Variants in ASTN2 observed in about 807,000 individuals in gnomAD.
ASTN2 encodes astrotactin 2, also known as astrotactin-2.
ASTN2 carries 54 observed loss-of-function variants against 139.8 expected under a neutral mutation model. That is an observed-to-expected ratio of 0.39 (90% CI 0.31 to 0.48). The LOEUF (loss-of-function observed/expected upper bound fraction) is 0.48, where lower values mean the gene tolerates loss of function less well. ASTN2 is among the 20% of genes least tolerant of loss of function. The pLI is 0.95. For missense variants in ASTN2, 1,565 were observed against 1,725.1 expected (o/e 0.91, Z 1.64); for synonymous variants, 756 against 719.5 (o/e 1.05, Z -0.81).
At chr9:116,587,346 T>TAA (rs1373615741) in intron 19 of ASTN2, among the ~76,000 whole-genome samples, 10 of 126,210 alleles carry the variant, frequency 7.9e-5, no homozygotes, top group Admixed American at 7.9e-4. Context: ...ATCTCAAATT[T>TAA]AAAAAAAAAA....
chr9:116,643,485 G>A (rs1857441503), intron 17 of ASTN2, among the ~76,000 whole-genome samples: 1 of 152,156 alleles, frequency 6.6e-6, no homozygotes, highest in African/African-American at 2.4e-5. Context: ...ATAAAAATAG[G>A]AAGCAGGCTG....
At chr9:116,992,701 G>C (rs1836893180) in intron 7 of ASTN2, among the ~76,000 whole-genome samples, 1 of 152,056 alleles carries the variant, frequency 6.6e-6, no homozygotes, top group South Asian at 2.1e-4. Context: ...TAAAAACTGG[G>C]TCTTGGGCTC....
Position 116,574,255 on chromosome 9 carries a change from C to T in ASTN2, c.3355+44069G>A, listed in dbSNP as rs1055235316. Among the ~76,000 whole-genome samples the T allele has an allele frequency of 1.3e-5, 2 of 152,150 alleles. 1 individual carries two copies. On this transcript the variant is annotated intron_variant, in intron 19 of 22. Coordinates refer to ENST00000313400, the MANE Select transcript of ASTN2 (RefSeq NM_001365068.1). ...AGGACATGGCTGTGTTCCAATAAAA[C>T]TTTATCTACAAAACAGACAGCCAGC...
intron 1 of ASTN2, among the ~76,000 whole-genome samples, chr9:117,388,950 T>G (rs528589675): frequency 9.2e-5 from 14 of 152,276 alleles, no homozygotes; most frequent in African/African-American, 3.1e-4. Context: ...AAGAAACAAG[T>G]ACAGATATTA....
chr9:117,413,472 G>C (rs1831229739), intron 1 of ASTN2, among the ~76,000 whole-genome samples: 1 of 152,240 alleles, frequency 6.6e-6, no homozygotes, highest in South Asian at 2.1e-4. Flanking sequence ...CCCCAAGAGG[G>C]GAGGGGAGAG....
intron 7 of ASTN2, among the ~76,000 whole-genome samples, chr9:116,990,164 T>C (rs1836811151): frequency 6.6e-6 from 1 of 152,188 alleles, no homozygotes; most frequent in Non-Finnish European, 1.5e-5. Flanking sequence ...AGGTTCAATA[T>C]GAAGATGAAA....
chr9:117,400,718 A>G (rs187290212), intron 1 of ASTN2, among the ~76,000 whole-genome samples: 2 of 152,322 alleles, frequency 1.3e-5, no homozygotes, highest in Admixed American at 1.3e-4. Context: ...CTGTAACTCC[A>G]GCCTCAGAAG....
At chr9:116,473,977 A>G (rs1848900043) in intron 20 of ASTN2, among the ~76,000 whole-genome samples, 1 of 152,138 alleles carries the variant, frequency 6.6e-6, no homozygotes. Flanking sequence ...TGGACACCCT[A>G]TGCTTGGGAG....
At chr9:117,052,470 T>C (rs1360053465) in intron 5 of ASTN2, among the ~76,000 whole-genome samples, 1 of 149,936 alleles carries the variant, frequency 6.7e-6, no homozygotes, top group Non-Finnish European at 1.5e-5. Flanking sequence ...GATTAAATAA[T>C]TAAATAGCAT....
chr9:116,723,851 T>C (rs911847897), intron 16 of ASTN2, among the ~76,000 whole-genome samples: 1 of 152,216 alleles, frequency 6.6e-6, no homozygotes, highest in Non-Finnish European at 1.5e-5. Flanking sequence ...GCAAGAAAAG[T>C]GCCTTTGCAG....
intron 1 of ASTN2, among the ~76,000 whole-genome samples, chr9:117,368,279 G>A (rs906020684): frequency 2.6e-5 from 4 of 151,720 alleles, no homozygotes; most frequent in Non-Finnish European, 2.9e-5. Flanking sequence ...ATGCACATGC[G>A]CACACATGTG....
At chr9:117,070,020 A>T (rs1828069676) in intron 5 of ASTN2, among the ~76,000 whole-genome samples, 1 of 150,076 alleles carries the variant, frequency 6.7e-6, no homozygotes, top group Non-Finnish European at 1.5e-5. Context: ...CTTAAAGTTA[A>T]TATTGTTATG....
At chr9:117,360,987 T>A (rs1274721183) in intron 1 of ASTN2, among the ~76,000 whole-genome samples, 2 of 152,192 alleles carry the variant, frequency 1.3e-5, no homozygotes, top group South Asian at 2.1e-4. Flanking sequence ...AGGACTTAAA[T>A]CCCCGAATTA....
chr9:117,099,856 G>T (rs1304095580), intron 4 of ASTN2, among the ~76,000 whole-genome samples: 1 of 151,910 alleles, frequency 6.6e-6, no homozygotes, highest in African/African-American at 2.4e-5. Context: ...CATGAGTTTT[G>T]GTTTCATAGA....
intron 13 of ASTN2, among the ~76,000 whole-genome samples, chr9:116,786,641 A>G (rs995102935): frequency 2.0e-5 from 3 of 152,222 alleles, no homozygotes; most frequent in Non-Finnish European, 4.4e-5. Flanking sequence ...AAAAAAACTG[A>G]GAAAGGAGTG....
intron 19 of ASTN2, among the ~76,000 whole-genome samples, chr9:116,490,272 T>TAAAAAAAAGAAAAAAAAA (rs1849472093): frequency 2.6e-5 from 1 of 37,912 alleles, no homozygotes; most frequent in Non-Finnish European, 4.5e-5. Flanking sequence ...TGATAAAAAG[T>TAAAAAAAAGAAAAAAAAA]AAAAAAAAAA....
chr9:117,060,659 T>G (rs1398046004), intron 5 of ASTN2, among the ~76,000 whole-genome samples: 7 of 151,680 alleles, frequency 4.6e-5, no homozygotes, highest in Non-Finnish European at 1.0e-4. Flanking sequence ...TTTGGGAGGC[T>G]GAGGTGGGCG....
intron 3 of ASTN2, among the ~76,000 whole-genome samples, chr9:117,182,233 CA>C (rs34087415): frequency 1.7e-5 from 2 of 117,004 alleles, no homozygotes; most frequent in African/African-American, 3.1e-5. Context: ...GCATGCCTTC[CA>C]AAAAAAAAAA....
At position 117,279,181 on chromosome 9, in the gene ASTN2, A is replaced by T. The variant is rs925247705; in HGVS notation, c.630+12145T>A. On this transcript the variant is annotated intron_variant, in intron 2 of 22. Transcript: ENST00000313400. ...CAATATCTCATAGTCTCGTAATTGG[A>T]TGATTATGGAGATGAGCTCCTAAAA... Among the ~76,000 whole-genome samples the T allele has an allele frequency of 3.3e-5, 5 of 152,222 alleles. No homozygotes were observed. In the South Asian group the frequency reaches 8.3e-4, roughly 25 times the overall value.
Sources: allele counts gnomAD v4.1 joint callset (sites outside exome capture counted in the v4.1 genomes callset), GRCh38; gene constraint gnomAD v4.1.1; transcripts MANE v1.5; gene names NCBI Gene and HGNC (gene_info 2026-07-23, HGNC 2026-07-21).